MICU1: variants seen among roughly 807,000 people sequenced by gnomAD.
MICU1 encodes the protein mitochondrial calcium uptake 1, also known as calcium uptake protein 1, mitochondrial.
Under a neutral mutation model 56.8 loss-of-function variants are expected in MICU1, and 45 were observed. That is an observed-to-expected ratio of 0.79 (90% CI 0.62 to 1.02). The LOEUF (loss-of-function observed/expected upper bound fraction) is 1.02, where lower values mean the gene tolerates loss of function less well. Among genes scored for constraint, MICU1 ranks in the 50% least tolerant of loss-of-function variants. The pLI, the probability that MICU1 is intolerant of heterozygous loss-of-function variation, is 0.00. For synonymous variants in MICU1, 186 were observed against 195.1 expected (o/e 0.95, Z 0.39); for missense variants, 504 against 587.1 (o/e 0.86, Z 1.46).
chr10:72,416,714 C>T (rs773437420), intron 9 of MICU1, among the ~76,000 whole-genome samples: 2 of 152,130 alleles, frequency 1.3e-5, no homozygotes, highest in Admixed American at 6.6e-5. Context: ...AAATCCTACT[C>T]CATGTTTAAG....
At chr10:72,563,705 A>G (rs1840354586) in intron 2 of MICU1, among the ~76,000 whole-genome samples, 1 of 152,212 alleles carries the variant, frequency 6.6e-6, no homozygotes, top group African/African-American at 2.4e-5. Context: ...AAAATGGTGA[A>G]GACATGTGAC....
At chr10:72,557,105 CT>C (rs1840178390) in intron 3 of MICU1, among the ~76,000 whole-genome samples, 1 of 151,998 alleles carries the variant, frequency 6.6e-6, no homozygotes, top group Non-Finnish European at 1.5e-5. Context: ...GGCCTTGATT[CT>C]TGGCCTTTCT....
chr10:72,411,077 C>T (rs541265209), intron 9 of MICU1, among the ~76,000 whole-genome samples: 18 of 152,170 alleles, frequency 1.2e-4, no homozygotes, highest in African/African-American at 3.9e-4. Context: ...TGATGGCCCT[C>T]GAAGACATTA....
At chr10:72,607,020 T>C (rs549838019) in intron 1 of MICU1, among the ~76,000 whole-genome samples, 2 of 152,238 alleles carry the variant, frequency 1.3e-5, no homozygotes, top group South Asian at 4.1e-4. Flanking sequence ...TACATCTGGC[T>C]GTTTCTTAGT....
intron 10 of MICU1, among the ~76,000 whole-genome samples, chr10:72,389,059 G>A (rs58641861): frequency 0.044 from 6,718 of 152,316 alleles, 393 homozygotes; most frequent in African/African-American, 0.13. Flanking sequence ...AAACTACTAT[G>A]AAATGAGAGT....
At chr10:72,581,071 A>T (rs532674809) in intron 1 of MICU1, among the ~76,000 whole-genome samples, 1 of 152,366 alleles carries the variant, frequency 6.6e-6, no homozygotes, top group East Asian at 1.9e-4. Flanking sequence ...GAGTAGTGAC[A>T]TAATTACCTT....
At chr10:72,510,293 T>G (rs549034574) in intron 5 of MICU1, among the ~76,000 whole-genome samples, 1 of 152,282 alleles carries the variant, frequency 6.6e-6, no homozygotes, top group South Asian at 2.1e-4. Context: ...CACAGAAAAG[T>G]TGAAAGATTA....
At chr10:72,391,898 T>C (rs529361205) in intron 10 of MICU1, 8 of 152,106 alleles carry the variant, frequency 5.3e-5, no homozygotes, top group Non-Finnish European at 1.0e-4. Context: ...AAAGTTATCC[T>C]AGGATTTTCA....
chr10:72,564,057 A>G (rs1840365035), intron 2 of MICU1, among the ~76,000 whole-genome samples: 1 of 152,352 alleles, frequency 6.6e-6, no homozygotes, highest in South Asian at 2.1e-4. Context: ...CCATTGCTGC[A>G]ATGATATAAT....
At chr10:72,563,798 C>A (rs1840357634) in intron 2 of MICU1, among the ~76,000 whole-genome samples, 2 of 152,122 alleles carry the variant, frequency 1.3e-5, no homozygotes, top group South Asian at 4.1e-4. Flanking sequence ...ACTAGACTTC[C>A]AGCCATAGAG....
chr10:72,396,098 A>G (rs1404502945), intron 10 of MICU1, among the ~76,000 whole-genome samples: 4 of 152,346 alleles, frequency 2.6e-5, no homozygotes, highest in South Asian at 2.1e-4. Context: ...TCAAGCAGCA[A>G]TATTTGCTGT....
intron 8 of MICU1, among the ~76,000 whole-genome samples, chr10:72,465,932 T>G (rs1437151643): frequency 6.6e-6 from 1 of 152,192 alleles, no homozygotes; most frequent in Non-Finnish European, 1.5e-5. Flanking sequence ...AGCATAATTT[T>G]TTTTCCTACT....
chr10:72,533,743 C>A lies in MICU1; in HGVS notation c.537+3G>T. The A allele has an allele frequency of 6.2e-7, 1 of 1,600,156 alleles. No homozygotes were observed. Among genetic ancestry groups the A allele is most frequent in the South Asian group, 1.1e-5 (1 of 88,878 alleles). On this transcript the variant is annotated splice_donor_region_variant and intron_variant, in intron 5 of 11. Coordinates refer to ENST00000361114, the MANE Select transcript of MICU1 (RefSeq NM_001195518.2). ...ATGTATAGAAGTGTCATAGTTTGCTCACCTTTCCATCAAAGCGTTTTATTA... is the reference window on the plus strand; with the variant it reads ...ATGTATAGAAGTGTCATAGTTTGCTAACCTTTCCATCAAAGCGTTTTATTA...
intron 1 of MICU1, among the ~76,000 whole-genome samples, chr10:72,611,383 G>A (rs1437382861): frequency 6.6e-6 from 1 of 151,854 alleles, no homozygotes; most frequent in Non-Finnish European, 1.5e-5. Context: ...AGGCCGAGGC[G>A]GGCGGATCAC....
chr10:72,491,849 A>G (rs1363574318), intron 6 of MICU1, among the ~76,000 whole-genome samples: 3 of 152,060 alleles, frequency 2.0e-5, no homozygotes, highest in African/African-American at 7.2e-5. Context: ...TTGGAATTCT[A>G]CAGTACCATA....
At chr10:72,380,781 A>G (rs1405097109) in intron 10 of MICU1, among the ~76,000 whole-genome samples, 1 of 152,182 alleles carries the variant, frequency 6.6e-6, no homozygotes, top group African/African-American at 2.4e-5. Context: ...CCATATATGG[A>G]CAATATCAAT....
intron 10 of MICU1, among the ~76,000 whole-genome samples, chr10:72,381,963 T>TATACACACACAC (rs1464438378): frequency 1.4e-5 from 2 of 138,344 alleles, no homozygotes; most frequent in African/African-American, 2.7e-5. Flanking sequence ...TATATATCTA[T>TATACACACACAC]ACACACACAC....
chr10:72,617,288 AT>A (rs11477826), intron 1 of MICU1, among the ~76,000 whole-genome samples: 6,386 of 152,254 alleles, frequency 0.042, 451 homozygotes, highest in African/African-American at 0.14. Context: ...TACTCAACAA[AT>A]TTAACCATCC....
chr10:72,481,961 A>G (rs951423374), intron 6 of MICU1, among the ~76,000 whole-genome samples: 3 of 152,346 alleles, frequency 2.0e-5, no homozygotes, highest in African/African-American at 7.2e-5. Flanking sequence ...GTCTGTTTCT[A>G]TAATATCATT....
Sources: gnomAD v4.1 joint callset for allele counts (sites outside exome capture counted in the v4.1 genomes callset) on GRCh38, gnomAD v4.1.1 for gene constraint, MANE v1.5 for transcripts, NCBI Gene and HGNC (gene_info 2026-07-23, HGNC 2026-07-21) for gene names.